The following TNFRSF13B variants were observed in gnomAD, a reference collection of about 807,000 sequenced individuals.
The protein encoded by TNFRSF13B is tumor necrosis factor receptor superfamily member 13B.
In TNFRSF13B, 34 loss-of-function variants were observed where a neutral mutation model predicts 24.0. The observed-to-expected ratio is 1.41, with a 90% CI of 1.08 to 1.88. The LOEUF (loss-of-function observed/expected upper bound fraction) is 1.88. TNFRSF13B is among the 40% of genes most tolerant of loss of function. The probability of loss-of-function intolerance (pLI) is 0.00; values close to 1 mark genes in which losing one functional copy is unlikely to be tolerated. For synonymous variants in TNFRSF13B, 173 were observed against 150.3 expected (o/e 1.15, Z -1.10); for missense variants, 415 against 380.8 (o/e 1.09, Z -0.75).
chr17:16,940,023 T>C, intron 4 of TNFRSF13B: 2 of 956,908 alleles, frequency 2.1e-6, no homozygotes, highest in Non-Finnish European at 3.0e-6. Context: ...GCACCGAGCC[T>C]GCCACGCCCC....
Position 16,961,055 on chromosome 17 carries a change from T to C in TNFRSF13B, c.62-8472A>G, listed in dbSNP as rs918760851. Among the ~76,000 whole-genome samples the C allele has an allele frequency of 3.9e-5, 6 of 152,290 alleles. No homozygotes were observed. In the East Asian group the frequency reaches 5.8e-4, roughly 15 times the overall value. The stretch of plus-strand genomic sequence containing the variant: ...TGCAAATTAAAACCACAATGAGATA[T>C]CATTTCACACCCATTAGGATGGCTA... On this transcript the variant is annotated intron_variant, in intron 1 of 4. Transcript: ENST00000261652.
chr17:16,939,756 C>G lies in TNFRSF13B; in HGVS notation c.673G>C (p.Glu225Gln). 1 of 1,610,722 alleles carries G rather than the reference C, an allele frequency of 6.2e-7. No individual in the cohort carries two copies. ...EAGSPVSTSP[E>Q]PVETCSFCFP... ...CAGAAGCTGCAGGTCTCCACTGGCT[C>G]GGGGGATGTGCTCACAGGGCTGCCG... The change falls in exon 5 of 5, where the codon GAG becomes CAG. Residue 225 changes from glutamate to glutamine, a missense_variant. Physicochemically the swap from Glu to Gln is conservative, Grantham distance 29 (BLOSUM62 2). Transcript: ENST00000261652.
At chr17:16,959,941 A>G (rs12051890) in intron 1 of TNFRSF13B, among the ~76,000 whole-genome samples, 18,826 of 152,178 alleles carry the variant, frequency 0.12, 1,269 homozygotes, top group East Asian at 0.22. Context: ...AACCAAAGAG[A>G]AAAGAACACT....
chr17:16,966,075 G>A (rs1453881832), intron 1 of TNFRSF13B, among the ~76,000 whole-genome samples: 1 of 151,982 alleles, frequency 6.6e-6, no homozygotes, highest in Non-Finnish European at 1.5e-5. Flanking sequence ...CCAATATGAG[G>A]AAACCTTGTC....
At chr17:16,939,827 C>T (rs1379241352) in intron 4 of TNFRSF13B, 30 bp from the exon 5 acceptor site, 1 of 1,603,778 alleles carries the variant, frequency 6.2e-7, no homozygotes, top group East Asian at 2.2e-5. Context: ...GGGCGTGGGC[C>T]AGGCCTGGCC....
At position 16,940,525 on chromosome 17, in the gene TNFRSF13B, T is replaced by A. The variant is rs2087502726; in HGVS notation, c.446-14A>T. 1.9e-6 allele frequency: 3 copies of A among 1,609,786 alleles called. No homozygotes were observed. In the African/African-American group the frequency reaches 4.0e-5, roughly 21 times the overall value. On this transcript the variant is annotated splice_polypyrimidine_tract_variant and intron_variant, in intron 3 of 4. Coordinates refer to ENST00000261652, the MANE Select transcript of TNFRSF13B (RefSeq NM_012452.3). ...GCCCCGGGAGAGCTGCAAGACAGCA[T>A]GAGACCCCTCTCTGCAGTGCCTTCT... is the stretch of plus-strand genomic sequence containing the variant.
intron 1 of TNFRSF13B, among the ~76,000 whole-genome samples, chr17:16,961,282 A>G (rs959291003): frequency 2.8e-4 from 42 of 152,260 alleles, no homozygotes; most frequent in African/African-American, 9.9e-4. Flanking sequence ...ATGTGAACAG[A>G]TACTTGTGCC....
intron 3 of TNFRSF13B, among the ~76,000 whole-genome samples, chr17:16,947,385 CA>C (rs1172867257): frequency 6.6e-6 from 1 of 152,132 alleles, no homozygotes; most frequent in Non-Finnish European, 1.5e-5. Context: ...TTCTGCACTG[CA>C]AAATAAACTA....
chr17:16,947,785 T>A (rs1164439717), intron 3 of TNFRSF13B, among the ~76,000 whole-genome samples: 5 of 152,266 alleles, frequency 3.3e-5, no homozygotes, highest in African/African-American at 7.2e-5. Flanking sequence ...AGAAAGCAGT[T>A]TGGAGATTCC....
chr17:16,940,778 G>A (rs1395191662), intron 3 of TNFRSF13B: 17 of 1,392,054 alleles, frequency 1.2e-5, no homozygotes, highest in South Asian at 6.0e-5. Flanking sequence ...TGCTAGGGCT[G>A]TAATTGGGAC....
At position 16,939,608 on chromosome 17, in the gene TNFRSF13B, ATG is replaced by A. The variant is rs1456477111; in HGVS notation, c.819_820del (p.Ile274ProfsTer130). On this transcript the variant is annotated frameshift_variant, in exon 5 of 5. Coordinates refer to ENST00000261652, the MANE Select transcript of TNFRSF13B (RefSeq NM_012452.3). LOFTEE classifies it low-confidence loss of function (END_TRUNC). ...CACAATGCCAAGGCCACTGTCTGGG[ATG>A]TGTGGGCAAGGCTGCAGGACTGTGG... 6.2e-7 allele frequency: 1 copy of A among 1,613,194 alleles called. No homozygotes were observed. Among genetic ancestry groups the A allele is most frequent in the Non-Finnish European group, 8.5e-7 (1 of 1,179,684 alleles).
intron 3 of TNFRSF13B, among the ~76,000 whole-genome samples, chr17:16,942,703 A>T (rs1677179036): frequency 1.3e-5 from 2 of 152,228 alleles, no homozygotes; most frequent in South Asian, 4.1e-4. Context: ...GTTGTTACTA[A>T]GCGGAAATGA....
intron 1 of TNFRSF13B, among the ~76,000 whole-genome samples, chr17:16,968,861 C>T (rs2087723944): frequency 6.6e-6 from 1 of 152,136 alleles, no homozygotes; most frequent in South Asian, 2.1e-4. Flanking sequence ...AATGAAAAGG[C>T]AACCCAATTT....
At chr17:16,940,541 A>G (rs752189888) in intron 3 of TNFRSF13B, 30 bp from the exon 4 acceptor site, 19 of 1,607,722 alleles carry the variant, frequency 1.2e-5, no homozygotes, top group Non-Finnish European at 1.5e-5. Context: ...CCCTCTCTGC[A>G]GTGCCTTCTT....
rs1328812446 is a variant in TNFRSF13B at position 16,939,372 on chromosome 17, CCCCTCTGTCTCTCTCT to C, written c.*159_*174del. On this transcript the variant is annotated 3_prime_UTR_variant, in exon 5 of 5. Transcript: ENST00000261652. The stretch of plus-strand genomic sequence containing the variant: ...GCCTCTTTCCCTCTCTGCCTCTCTT[CCCCTCTGTCTCTCTCT>C]CCCTCTGTCTCTCTCTCCCTCTCTG... 4.1e-5 allele frequency: 30 copies of C among 730,556 alleles called. No individual in the cohort carries two copies. Among genetic ancestry groups the C allele is most frequent in the Admixed American group, 1.0e-4 (3 of 29,738 alleles). 45.3% of individuals were successfully genotyped at this position (730,556 alleles called of 1,614,324 possible).
intron 1 of TNFRSF13B, among the ~76,000 whole-genome samples, chr17:16,962,709 G>T (rs1295388039): frequency 6.6e-6 from 1 of 152,108 alleles, no homozygotes; most frequent in Non-Finnish European, 1.5e-5. Context: ...CATTGTCAGT[G>T]AGCAAAGGCA....
chr17:16,949,084 A>T (rs1196921380), intron 2 of TNFRSF13B, 101 bp from the exon 3 acceptor site: 1 of 1,516,514 alleles, frequency 6.6e-7, no homozygotes, highest in East Asian at 2.3e-5. Flanking sequence ...AAATACAGTA[A>T]AATTCCAGAA....
chr17:16,949,257 A>G (rs927655902), intron 2 of TNFRSF13B, among the ~76,000 whole-genome samples: 1 of 152,102 alleles, frequency 6.6e-6, no homozygotes, highest in Non-Finnish European at 1.5e-5. Flanking sequence ...TCTTTGACCT[A>G]TGGGTTATTT....
rs144383122 is a variant in TNFRSF13B, at chr17:16,939,601, G to C, written c.828C>G (p.Asp276Glu). 68 of 1,613,648 alleles carry C rather than the reference G, an allele frequency of 4.2e-5. No individual in the cohort carries two copies. The African/African-American group carries it at 8.5e-4, about 20-fold the overall frequency. ...TVLQPCPHIP[D>E]SGLGIVCVPA... Reference sequence around the variant, plus strand: ...GCACACACACAATGCCAAGGCCACTGTCTGGGATGTGTGGGCAAGGCTGCA... The same window carrying C: ...GCACACACACAATGCCAAGGCCACTCTCTGGGATGTGTGGGCAAGGCTGCA... The change falls in exon 5 of 5, where the codon GAC (aspartate) becomes GAG (glutamate). Residue 276 changes from aspartate to glutamate, a missense_variant. Asp to Glu is a conservative substitution (Grantham distance 45, BLOSUM62 2). Coordinates refer to ENST00000261652, the MANE Select transcript of TNFRSF13B (RefSeq NM_012452.3).
Sources: gnomAD v4.1 joint callset for allele counts (sites outside exome capture counted in the v4.1 genomes callset) on GRCh38, gnomAD v4.1.1 for gene constraint, MANE v1.5 for transcripts, NCBI Gene and HGNC (gene_info 2026-07-23, HGNC 2026-07-21) for gene names.